The following NEMP2 variants were observed in gnomAD, a reference collection of about 807,000 sequenced individuals.
NEMP2 encodes UPF0571 transmembrane protein.
NEMP2 carries 53 observed loss-of-function variants against 54.2 expected under a neutral mutation model. The observed-to-expected ratio is 0.98, with a 90% CI of 0.78 to 1.23. The LOEUF (loss-of-function observed/expected upper bound fraction) is 1.23. NEMP2 is among the 50% of genes most tolerant of loss of function. The pLI, the probability that NEMP2 is intolerant of heterozygous loss-of-function variation, is 0.00. For missense variants in NEMP2, 455 were observed against 511.3 expected (o/e 0.89, Z 1.06); for synonymous variants, 197 against 190.3 (o/e 1.04, Z -0.29).
chr2:190,546,940 T>A, the NEMP2 span, among the ~76,000 whole-genome samples: 1 of 152,218 alleles, frequency 6.6e-6, no homozygotes, highest in African/African-American at 2.4e-5. The surrounding 1 kb of genome is among the most constrained non-coding windows in gnomAD (Gnocchi z 5.1). Context: ...TTGGACTTTG[T>A]CCTTAAGCTT....
chr2:190,510,241 A>G lies in NEMP2; in HGVS notation c.1130+120T>C. On this transcript the variant is annotated intron_variant, in intron 8 of 8. Transcript: ENST00000409150. This position sits in a 1 kb window ranked among gnomAD's most constrained non-coding sequence, Gnocchi z 5.7. ...AAAAGGGACCTCTGACAACTTCCAC[A>G]TCATCTGTTATCCAGGGAAACAGTC... 1 of 1,213,994 alleles carries G rather than the reference A, an allele frequency of 8.2e-7. No individual in the cohort carries two copies. Among genetic ancestry groups the G allele is most frequent in the Non-Finnish European group, 1.1e-6 (1 of 880,082 alleles). The allele number at this position is 1,213,994 out of a possible 1,614,324, so 75.2% of individuals were successfully genotyped here.
chr2:190,548,447 C>G, the NEMP2 span, among the ~76,000 whole-genome samples: 16 of 152,322 alleles, frequency 1.1e-4, no homozygotes, highest in African/African-American at 3.8e-4. Context: ...GGGCAAACAG[C>G]TCATCTAAAC....
chr2:190,646,901 A>G, the NEMP2 span: 1 of 152,218 alleles, frequency 6.6e-6, no homozygotes, highest in Non-Finnish European at 1.5e-5. Flanking sequence ...GTGATTATAC[A>G]TCTTTACGGA....
the NEMP2 span, among the ~76,000 whole-genome samples, chr2:190,459,157 C>T: frequency 6.6e-6 from 1 of 152,178 alleles, no homozygotes; most frequent in Non-Finnish European, 1.5e-5. This position sits in a 1 kb window ranked among gnomAD's most constrained non-coding sequence, Gnocchi z 5.3. Context: ...TATTGTGGCT[C>T]CTTTCTCTTT....
chr2:190,539,075 A>G (rs1691466170), upstream of NEMP2, among the ~76,000 whole-genome samples: 1 of 152,150 alleles, frequency 6.6e-6, no homozygotes. The surrounding 1 kb of genome is among the most constrained non-coding windows in gnomAD (Gnocchi z 4.1). Flanking sequence ...GTAGTTTCAT[A>G]GTTTCAGGTC....
At chr2:190,601,361 A>G in the NEMP2 span, among the ~76,000 whole-genome samples, 1 of 152,178 alleles carries the variant, frequency 6.6e-6, no homozygotes, top group Non-Finnish European at 1.5e-5. The surrounding 1 kb of genome is among the most constrained non-coding windows in gnomAD (Gnocchi z 5.8). Flanking sequence ...CTATGAGACC[A>G]TAGCTTTCTG....
chr2:190,535,575 G>A (rs1011865176), upstream of NEMP2, among the ~76,000 whole-genome samples: 16 of 152,066 alleles, frequency 1.1e-4, no homozygotes, highest in South Asian at 2.1e-4. Flanking sequence ...TGGTCTTTTG[G>A]TGAGATATCT....
chr2:190,565,454 T>C, the NEMP2 span, among the ~76,000 whole-genome samples: 1 of 152,364 alleles, frequency 6.6e-6, no homozygotes, highest in Admixed American at 6.5e-5. Context: ...GTTGGGTTCC[T>C]TGAGAAGCAG....
At chr2:190,460,214 T>G in the NEMP2 span, among the ~76,000 whole-genome samples, 2 of 152,258 alleles carry the variant, frequency 1.3e-5, no homozygotes, top group African/African-American at 2.4e-5. Flanking sequence ...TTGAGCTATT[T>G]ATTGTTTGTC....
At chr2:190,488,391 A>T in the NEMP2 span, among the ~76,000 whole-genome samples, 2 of 152,172 alleles carry the variant, frequency 1.3e-5, no homozygotes, top group African/African-American at 4.8e-5. The surrounding 1 kb of genome is among the most constrained non-coding windows in gnomAD (Gnocchi z 6.4). Flanking sequence ...GGGTGAGTGT[A>T]AGTTATGGTT....
the NEMP2 span, among the ~76,000 whole-genome samples, chr2:190,602,664 T>C: frequency 2.0e-5 from 3 of 152,174 alleles, no homozygotes; most frequent in Admixed American, 2.0e-4. Flanking sequence ...GTGAAGGCTG[T>C]GACTGCCCTG....
the NEMP2 span, among the ~76,000 whole-genome samples, chr2:190,563,204 A>AC: frequency 6.6e-6 from 1 of 152,164 alleles, no homozygotes; most frequent in Admixed American, 6.5e-5. This position sits in a 1 kb window ranked among gnomAD's most constrained non-coding sequence, Gnocchi z 4.3. Flanking sequence ...TTCTCCTGCC[A>AC]CCCACTCATC....
At chr2:190,426,385 A>G in the NEMP2 span, among the ~76,000 whole-genome samples, 4 of 150,214 alleles carry the variant, frequency 2.7e-5, no homozygotes, top group African/African-American at 9.8e-5. This position sits in a 1 kb window ranked among gnomAD's most constrained non-coding sequence, Gnocchi z 4.7. Context: ...TAAGTTTTCC[A>G]TTTTTTCTTC....
At chr2:190,606,391 G>A in the NEMP2 span, among the ~76,000 whole-genome samples, 1 of 152,126 alleles carries the variant, frequency 6.6e-6, no homozygotes, top group East Asian at 1.9e-4. Flanking sequence ...GAAAAGTATC[G>A]TATCTGCCTC....
At chr2:190,588,802 A>T in the NEMP2 span, among the ~76,000 whole-genome samples, 1 of 152,198 alleles carries the variant, frequency 6.6e-6, no homozygotes, top group African/African-American at 2.4e-5. This position sits in a 1 kb window ranked among gnomAD's most constrained non-coding sequence, Gnocchi z 5.0. Flanking sequence ...CAGAAGCCTC[A>T]GTTTAGTCAC....
At chr2:190,619,816 A>T in the NEMP2 span, among the ~76,000 whole-genome samples, 1 of 152,164 alleles carries the variant, frequency 6.6e-6, no homozygotes, top group Non-Finnish European at 1.5e-5. This position sits in a 1 kb window ranked among gnomAD's most constrained non-coding sequence, Gnocchi z 5.5. Flanking sequence ...TGAGAGTGGG[A>T]GATGAATATA....
At chr2:190,626,700 G>T in the NEMP2 span, 13 of 152,342 alleles carry the variant, frequency 8.5e-5, no homozygotes, top group African/African-American at 3.1e-4. This position sits in a 1 kb window ranked among gnomAD's most constrained non-coding sequence, Gnocchi z 4.5. Flanking sequence ...AGCCCACAGG[G>T]TCGGTCCAGT....
chr2:190,474,745 C>T, the NEMP2 span, among the ~76,000 whole-genome samples: 4 of 152,198 alleles, frequency 2.6e-5, no homozygotes, highest in South Asian at 2.1e-4. Context: ...ATACCAAAGC[C>T]TGGCACAGAC....
chr2:190,575,573 A>G, the NEMP2 span, among the ~76,000 whole-genome samples: 1 of 152,214 alleles, frequency 6.6e-6, no homozygotes, highest in African/African-American at 2.4e-5. Flanking sequence ...GCTCTCACAT[A>G]CAACTCTGGG....
Sources: gnomAD v4.1 joint callset for allele counts (sites outside exome capture counted in the v4.1 genomes callset) on GRCh38, gnomAD v4.1.1 for gene constraint, Gnocchi (gnomAD v3.1) non-coding constraint, MANE v1.5 for transcripts, NCBI Gene and HGNC (gene_info 2026-07-23, HGNC 2026-07-21) for gene names.